The following TECPR2 variants were observed in gnomAD, a reference collection of about 807,000 sequenced individuals.
The protein encoded by TECPR2 is tectonin beta-propeller repeat containing 2.
In TECPR2, 65 loss-of-function variants were observed where a neutral mutation model predicts 138.1. That is an observed-to-expected ratio of 0.47 (90% confidence interval 0.39 to 0.58). The LOEUF is 0.58. TECPR2 is among the 20% of genes least tolerant of loss of function. The pLI, the probability that TECPR2 is intolerant of heterozygous loss-of-function variation, is 0.00. For synonymous variants in TECPR2, 746 were observed against 749.8 expected (o/e 0.99, Z 0.08); for missense variants, 1,553 against 1,824.5 (o/e 0.85, Z 2.71).
intron 10 of TECPR2, among the ~76,000 whole-genome samples, chr14:102,438,655 T>G (rs907588797): frequency 1.3e-5 from 2 of 152,170 alleles, no homozygotes; most frequent in Non-Finnish European, 2.9e-5. Context: ...TTTGGCTTCC[T>G]CTTTAGGAAT....
intron 17 of TECPR2, among the ~76,000 whole-genome samples, chr14:102,480,611 C>CT (rs1190224393): frequency 6.6e-6 from 1 of 151,946 alleles, no homozygotes; most frequent in Non-Finnish European, 1.5e-5. Context: ...CCACAAACCC[C>CT]TGGGCTCAAA....
chr14:102,438,078 G>A lies in TECPR2; in HGVS notation c.2451G>A (p.Val817=). 6.2e-7 allele frequency: 1 copy of A among 1,614,176 alleles called. No homozygotes were observed. The highest frequency in any genetic ancestry group is 1.1e-5 in the South Asian group (1 of 91,086). ...SGPGYGILSL[V]VSEKYIWCLD... is the part of the protein sequence containing the mutation. ...CCGGCTATGGCATCCTCAGCTTGGT[G>A]GTCTCCGAGAAGTATATCTGGTGCC... is the stretch of plus-strand genomic sequence containing the variant. Residue 817 remains valine, a synonymous_variant, in exon 10 of 20, where the codon GTG becomes GTA. Coordinates refer to ENST00000359520, the MANE Select transcript of TECPR2 (RefSeq NM_014844.5).
chr14:102,470,801 G>A lies in TECPR2; in HGVS notation c.3789+5512G>A, dbSNP rs561979226. ...GTTACAGGCGTGCACCACCATGCCCGGCTAATTTTGTTTCTTGTGTTTTTT... is the reference window on the plus strand; with the variant it reads ...GTTACAGGCGTGCACCACCATGCCCAGCTAATTTTGTTTCTTGTGTTTTTT... On this transcript the variant is annotated intron_variant, in intron 17 of 19. Coordinates refer to ENST00000359520, the MANE Select transcript of TECPR2 (RefSeq NM_014844.5). Among the ~76,000 whole-genome samples, 20 of 148,654 alleles carry A rather than the reference G, an allele frequency of 1.3e-4. No homozygotes were observed. In the South Asian group the frequency reaches 2.6e-3, roughly 19 times the overall value.
intron 15 of TECPR2, among the ~76,000 whole-genome samples, chr14:102,450,863 G>T (rs568463992): frequency 1.3e-5 from 2 of 152,224 alleles, no homozygotes; most frequent in African/African-American, 4.8e-5. Flanking sequence ...GGGACCGAGC[G>T]TGGTGAAGAT....
In TECPR2 at chr14:102,420,820, T is replaced by G. The variant is rs1352791733; in HGVS notation, c.639-4159T>G. The stretch of plus-strand genomic sequence containing the variant: ...CTCCCAGGACCTTGCTCAGCAGGGC[T>G]CCTTTCCCTTCCTCCAGGGTAAGAG... On this transcript the variant is annotated intron_variant, in intron 5 of 19. Transcript: ENST00000359520. This position sits in a 1 kb window ranked among gnomAD's most constrained non-coding sequence, Gnocchi z 4.1. Among the ~76,000 whole-genome samples, 1 of 152,104 alleles carries G rather than the reference T, an allele frequency of 6.6e-6. No homozygotes were observed.
chr14:102,364,550 C>T (rs1887290288), intron 1 of TECPR2, among the ~76,000 whole-genome samples: 1 of 152,108 alleles, frequency 6.6e-6, no homozygotes, highest in Non-Finnish European at 1.5e-5. Flanking sequence ...TCAGGACTGC[C>T]TTGGAAAACC....
chr14:102,368,471 G>A (rs769709744), intron 1 of TECPR2, among the ~76,000 whole-genome samples: 12 of 152,152 alleles, frequency 7.9e-5, no homozygotes, highest in Non-Finnish European at 1.5e-4. Flanking sequence ...CTCCCAAGTA[G>A]CTGAGACTAT....
chr14:102,424,891 T>A, intron 5 of TECPR2, 88 bp from the exon 6 acceptor site: 2 of 1,329,740 alleles, frequency 1.5e-6, no homozygotes, highest in South Asian at 2.9e-5. Context: ...AAATTCTTGT[T>A]GTACTTAATA....
intron 10 of TECPR2, 24 bp from the exon 11 acceptor site, chr14:102,440,412 T>C (rs759222771): frequency 6.2e-7 from 1 of 1,611,954 alleles, no homozygotes. Context: ...TATTGGACAG[T>C]GAATAGAATT....
chr14:102,403,212 A>T (rs138694272), intron 2 of TECPR2, among the ~76,000 whole-genome samples: 1 of 152,210 alleles, frequency 6.6e-6, no homozygotes, highest in Non-Finnish European at 1.5e-5. Context: ...ATATTTCTGG[A>T]ATGCAAGGAT....
intron 9 of TECPR2, among the ~76,000 whole-genome samples, chr14:102,435,442 A>G (rs146304206): frequency 6.6e-6 from 1 of 152,162 alleles, no homozygotes; most frequent in Non-Finnish European, 1.5e-5. Context: ...TGCCTCCCCA[A>G]CCAAGGTAGC....
chr14:102,450,792 C>T, intron 15 of TECPR2, 143 bp downstream of exon 15: 1 of 785,162 alleles, frequency 1.3e-6, no homozygotes. Flanking sequence ...GGCCAGTAGC[C>T]CTTGTTAGCT....
In TECPR2 at chr14:102,371,254, A is replaced by G. The variant is rs1038083841; in HGVS notation, c.-72-5396A>G. On this transcript the variant is annotated intron_variant, in intron 1 of 19. Coordinates refer to ENST00000359520, the MANE Select transcript of TECPR2 (RefSeq NM_014844.5). ...ACATGGAGTTGGGTGAACATTGGGTAAGGAGGAGGAGCAGAAAGTCTTAGC... is the reference window on the plus strand; with the variant it reads ...ACATGGAGTTGGGTGAACATTGGGTGAGGAGGAGGAGCAGAAAGTCTTAGC... Among the ~76,000 whole-genome samples the G allele has an allele frequency of 2.6e-5, 4 of 152,300 alleles. No homozygotes were observed. The Middle Eastern group carries it at 0.01, about 389-fold the overall frequency.
intron 8 of TECPR2, among the ~76,000 whole-genome samples, chr14:102,433,628 C>T (rs1174700868): frequency 6.6e-6 from 1 of 152,040 alleles, no homozygotes; most frequent in Non-Finnish European, 1.5e-5. Context: ...TCAAGCAATT[C>T]TCCTGCCTCA....
Position 102,498,264 on chromosome 14 carries a change from C to T in TECPR2, c.*7C>T, listed in dbSNP as rs778208284. On this transcript the variant is annotated 3_prime_UTR_variant, in exon 20 of 20. Transcript: ENST00000359520. Reference sequence around the variant, plus strand: ...CGAGTGGGAGGTCATCTGAAGGAGCCCTGGCCGAGTCACGCGGAGGGGCCC... The same window carrying T: ...CGAGTGGGAGGTCATCTGAAGGAGCTCTGGCCGAGTCACGCGGAGGGGCCC... The T allele has an allele frequency of 2.3e-5, 37 of 1,598,304 alleles. No individual in the cohort carries two copies. The highest frequency in any genetic ancestry group is 2.9e-5 in the Non-Finnish European group (34 of 1,179,182).
chr14:102,398,385 G>A (rs1888376329), intron 2 of TECPR2, among the ~76,000 whole-genome samples: 1 of 152,132 alleles, frequency 6.6e-6, no homozygotes, highest in African/African-American at 2.4e-5. Context: ...TGTTTTCTGG[G>A]AGTTATAGAA....
At chr14:102,468,137 C>A (rs1408767174) in intron 17 of TECPR2, among the ~76,000 whole-genome samples, 1 of 151,852 alleles carries the variant, frequency 6.6e-6, no homozygotes, top group Admixed American at 6.6e-5. Flanking sequence ...TGTGCCACCA[C>A]GCCCAGCCTC....
At chr14:102,379,059 G>A (rs990177632) in intron 2 of TECPR2, among the ~76,000 whole-genome samples, 1 of 151,614 alleles carries the variant, frequency 6.6e-6, no homozygotes, top group African/African-American at 2.4e-5. Context: ...GTAGTTAGGA[G>A]TTTAATAGTC....
chr14:102,406,649 A>T (rs1888667243), intron 2 of TECPR2, among the ~76,000 whole-genome samples: 1 of 151,982 alleles, frequency 6.6e-6, no homozygotes, highest in African/African-American at 2.4e-5. Flanking sequence ...TGCCCAGGAG[A>T]TTGAGACCAG....
Sources: gnomAD v4.1 joint callset for allele counts (sites outside exome capture counted in the v4.1 genomes callset) on GRCh38, gnomAD v4.1.1 for gene constraint, Gnocchi (gnomAD v3.1) non-coding constraint, MANE v1.5 for transcripts, NCBI Gene and HGNC (gene_info 2026-07-23, HGNC 2026-07-21) for gene names.